The following HTR2C variants were observed in gnomAD, a reference collection of about 807,000 sequenced individuals.
HTR2C encodes 5-hydroxytryptamine (serotonin) receptor 2C, G protein-coupled.
In HTR2C, 5 loss-of-function variants were observed where a neutral mutation model predicts 21.0. The observed-to-expected ratio is 0.24, with a 90% CI of 0.12 to 0.50. The LOEUF is 0.50. HTR2C is among the 20% of genes least tolerant of loss of function. The pLI, the probability that HTR2C is intolerant of heterozygous loss-of-function variation, is 0.98. For missense variants in HTR2C, 271 were observed against 371.2 expected (o/e 0.73, Z 2.22); for synonymous variants, 150 against 145.3 (o/e 1.03, Z -0.23).
intron 4 of HTR2C, among the ~76,000 whole-genome samples, chrX:114,836,702 G>C (rs1459925791): frequency 3.6e-5 from 4 of 112,173 alleles, no homozygotes; most frequent in Non-Finnish European, 7.5e-5. Flanking sequence ...GACCAGAGCT[G>C]TTCCTATTCG....
chrX:114,688,543 T>G lies in HTR2C; in HGVS notation c.-79-38315T>G, dbSNP rs1334108409. 1.1e-4 allele frequency among the ~76,000 whole-genome samples: 12 copies of G among 111,749 alleles called. No individual in the cohort carries two copies. In the Admixed American group the frequency reaches 1.1e-3, roughly 11 times the overall value. On this transcript the variant is annotated intron_variant, in intron 2 of 5. Transcript: ENST00000276198. ...TCACTTGGTTCAGCTGAATTATACA[T>G]GTAGTACTTTTGCTACCTGGGATTA...
intron 2 of HTR2C, among the ~76,000 whole-genome samples, chrX:114,702,979 G>A (rs1190321075): frequency 4.2e-5 from 3 of 71,793 alleles, no homozygotes; most frequent in Admixed American, 2.0e-4. Flanking sequence ...TTACATAACG[G>A]TAAAGGGATC....
At chrX:114,666,467 C>A (rs926676357) in intron 2 of HTR2C, among the ~76,000 whole-genome samples, 2 of 111,473 alleles carry the variant, frequency 1.8e-5, no homozygotes, top group Admixed American at 9.6e-5. Flanking sequence ...TCTTATTTTT[C>A]TTTATGATTA....
intron 4 of HTR2C, among the ~76,000 whole-genome samples, chrX:114,821,566 A>C (rs1456556418): frequency 1.8e-5 from 2 of 111,741 alleles, no homozygotes; most frequent in Admixed American, 1.9e-4. Flanking sequence ...AGTCACAGCG[A>C]AAGTTAGAAA....
intron 4 of HTR2C, among the ~76,000 whole-genome samples, chrX:114,840,424 CAAG>C (rs2070823699): frequency 9.1e-6 from 1 of 110,037 alleles, no homozygotes; most frequent in African/African-American, 3.3e-5. Context: ...AGATGACAGA[CAAG>C]AAAAGCCAGT....
At chrX:114,802,030 T>C (rs2070351209) in intron 4 of HTR2C, among the ~76,000 whole-genome samples, 1 of 110,996 alleles carries the variant, frequency 9.0e-6, no homozygotes, top group Non-Finnish European at 1.9e-5. Flanking sequence ...ATGAAAGTAG[T>C]AGTGCAATGA....
At chrX:114,749,453 C>CAAAAAAAAAAAAAAAAA (rs782652879) in intron 4 of HTR2C, among the ~76,000 whole-genome samples, 2 of 41,906 alleles carry the variant, frequency 4.8e-5, no homozygotes, top group Non-Finnish European at 7.5e-5. Context: ...GTCCATGTCT[C>CAAAAAAAAAAAAAAAAA]AAAAAAAAAA....
intron 2 of HTR2C, among the ~76,000 whole-genome samples, chrX:114,658,885 T>A (rs892001806): frequency 2.1e-4 from 23 of 111,603 alleles, no homozygotes; most frequent in African/African-American, 6.8e-4. Flanking sequence ...ATTAACATAG[T>A]TTCAAAATAT....
chrX:114,870,130 C>G lies in HTR2C; in HGVS notation c.550+21927C>G, dbSNP rs1178324132. ...GAGATGGGGTTTAACTCTTGTTGCC[C>G]AGGCTGCAATGCAATGGCATGATCT... On this transcript the variant is annotated intron_variant, in intron 5 of 5. Coordinates refer to ENST00000276198, the MANE Select transcript of HTR2C (RefSeq NM_000868.4). Among the ~76,000 whole-genome samples, 4 of 108,382 alleles carry G rather than the reference C, an allele frequency of 3.7e-5. No homozygotes were observed. The South Asian group carries it at 1.2e-3, about 33-fold the overall frequency. 94.1% of individuals were successfully genotyped at this position (108,382 alleles called of 115,157 possible).
chrX:114,881,805 T>C (rs1202833404), intron 5 of HTR2C, among the ~76,000 whole-genome samples: 1 of 110,418 alleles, frequency 9.1e-6, no homozygotes, highest in East Asian at 2.8e-4. Context: ...TATCTCAAGA[T>C]TACTATTACT....
intron 5 of HTR2C, among the ~76,000 whole-genome samples, chrX:114,860,708 G>A (rs2071000029): frequency 9.1e-6 from 1 of 110,028 alleles, no homozygotes; most frequent in Non-Finnish European, 1.9e-5. Context: ...TTTTTAAAAT[G>A]TATAATTTGA....
At chrX:114,825,863 C>T (rs1270140792) in intron 4 of HTR2C, among the ~76,000 whole-genome samples, 2 of 110,711 alleles carry the variant, frequency 1.8e-5, no homozygotes, top group African/African-American at 3.3e-5. Context: ...CTGTTATATT[C>T]CCTCGATGAA....
intron 2 of HTR2C, among the ~76,000 whole-genome samples, chrX:114,700,737 G>A (rs917490945): frequency 4.4e-4 from 50 of 112,473 alleles, no homozygotes; most frequent in African/African-American, 6.1e-4. Context: ...CACTGTGCGC[G>A]AGCCGAAGCA....
At chrX:114,879,199 C>A (rs1026610897) in intron 5 of HTR2C, among the ~76,000 whole-genome samples, 6 of 108,090 alleles carry the variant, frequency 5.6e-5, no homozygotes, top group African/African-American at 2.0e-4. Context: ...AATTACTATA[C>A]CATTCTGCTT....
At chrX:114,588,184 G>C (rs1226028517) in intron 1 of HTR2C, among the ~76,000 whole-genome samples, 1 of 111,847 alleles carries the variant, frequency 8.9e-6, no homozygotes, top group African/African-American at 3.2e-5. Flanking sequence ...TTAACCTTAT[G>C]CATAGATGAC....
At position 114,645,645 on chromosome X, in the gene HTR2C, A is replaced by G. The variant is rs782384364; in HGVS notation, c.-80+31764A>G. Among the ~76,000 whole-genome samples the G allele has an allele frequency of 6.5e-4, 73 of 112,065 alleles. 1 individual carries two copies. The highest frequency in any genetic ancestry group is 2.0e-3 in the African/African-American group (62 of 30,919). ...AAATCAGGCAACTATGAGCAACATAATTGAAAGTAGGTACATGCACTGTGT... is the reference window on the plus strand; with the variant it reads ...AAATCAGGCAACTATGAGCAACATAGTTGAAAGTAGGTACATGCACTGTGT... On this transcript the variant is annotated intron_variant, in intron 2 of 5. Transcript: ENST00000276198.
At chrX:114,709,996 A>C (rs1839114118) in intron 2 of HTR2C, among the ~76,000 whole-genome samples, 1 of 111,994 alleles carries the variant, frequency 8.9e-6, no homozygotes, top group South Asian at 3.7e-4. Flanking sequence ...GCTTTTTGCT[A>C]TCAGTAAGGC....
intron 4 of HTR2C, among the ~76,000 whole-genome samples, chrX:114,746,263 A>C (rs2069702802): frequency 8.9e-6 from 1 of 111,900 alleles, no homozygotes; most frequent in Non-Finnish European, 1.9e-5. Flanking sequence ...CATTTATATC[A>C]TGTTATGAGA....
intron 1 of HTR2C, among the ~76,000 whole-genome samples, chrX:114,605,944 G>A (rs1928399023): frequency 9.4e-6 from 1 of 106,394 alleles, no homozygotes; most frequent in African/African-American, 3.4e-5. Flanking sequence ...AGAGGTTGGG[G>A]CACGGAAATA....
Sources: allele counts gnomAD v4.1 joint callset (sites outside exome capture counted in the v4.1 genomes callset), GRCh38; gene constraint gnomAD v4.1.1; transcripts MANE v1.5; gene names NCBI Gene and HGNC (gene_info 2026-07-23, HGNC 2026-07-21).